RP2: variants seen among roughly 807,000 people sequenced by gnomAD.
The protein encoded by RP2 is protein XRP2.
Under a neutral mutation model 20.3 loss-of-function variants are expected in RP2, and 3 were observed. That is an observed-to-expected ratio of 0.15 (90% CI 0.07 to 0.38). The LOEUF is 0.38. Ranked by LOEUF, RP2 falls within the 10% of genes least tolerant of loss-of-function variation. The pLI is 1.00. For synonymous variants in RP2, 75 were observed against 94.8 expected (o/e 0.79, Z 1.22); for missense variants, 233 against 268.5 (o/e 0.87, Z 0.92).
intron 1 of RP2, among the ~76,000 whole-genome samples, chrX:46,845,692 C>T (rs1157964193): frequency 3.6e-5 from 4 of 111,714 alleles, no homozygotes; most frequent in African/African-American, 6.5e-5. Flanking sequence ...TCATACAATA[C>T]GTAACCTTTT....
At chrX:46,847,792 G>GTATATA (rs1569531406) in intron 1 of RP2, among the ~76,000 whole-genome samples, 59 of 94,720 alleles carry the variant, frequency 6.2e-4, no homozygotes, top group African/African-American at 2.3e-3. Flanking sequence ...ACACACATGT[G>GTATATA]TGTGTGTATA....
intron 1 of RP2, among the ~76,000 whole-genome samples, chrX:46,846,092 GTATTCCGTTGTATGGA>G (rs1200201206): frequency 9.0e-6 from 1 of 111,429 alleles, no homozygotes; most frequent in East Asian, 2.8e-4. Context: ...TTGCTGAGTG[GTATTCCGTTGTATGGA>G]TATATCACAG....
rs1556328627 is a variant in RP2, at chrX:46,880,938, G to C, written c.*1169G>C. ...CAGGAGGTGTCAATAGGTTGAACTTGTGAGAAGGCACTGAATCTGCCATCC... is the reference window on the plus strand; with the variant it reads ...CAGGAGGTGTCAATAGGTTGAACTTCTGAGAAGGCACTGAATCTGCCATCC... On this transcript the variant is annotated 3_prime_UTR_variant, in exon 5 of 5. Coordinates refer to ENST00000218340, the MANE Select transcript of RP2 (RefSeq NM_006915.3). The C allele has an allele frequency of 9.0e-6, 1 of 111,612 alleles. No individual in the cohort carries two copies. The highest frequency in any genetic ancestry group is 1.9e-5 in the Non-Finnish European group (1 of 53,161). 9.2% of individuals were successfully genotyped at this position (111,612 alleles called of 1,213,427 possible).
intron 3 of RP2, among the ~76,000 whole-genome samples, chrX:46,862,430 G>A (rs1925084659): frequency 1.8e-5 from 2 of 109,335 alleles, no homozygotes; most frequent in South Asian, 7.9e-4. Flanking sequence ...GGAGGCCAAG[G>A]CGGGCAGATC....
At chrX:46,848,749 C>T (rs1924805023) in intron 1 of RP2, among the ~76,000 whole-genome samples, 1 of 109,603 alleles carries the variant, frequency 9.1e-6, no homozygotes, top group Non-Finnish European at 1.9e-5. Context: ...ATAGTCTAGG[C>T]CAGACACGGT....
At chrX:46,847,732 ATATACACACATATGTGTGTG>A in intron 1 of RP2, among the ~76,000 whole-genome samples, 1 of 95,392 alleles carries the variant, frequency 1.0e-5, no homozygotes, top group African/African-American at 3.9e-5. Context: ...GTGTGTGTGT[ATATACACACATATGTGTGTG>A]TGTATATACA....
At position 46,859,569 on chromosome X, in the gene RP2, T is replaced by C. The variant is rs141276818; in HGVS notation, c.769-419T>C. Among the ~76,000 whole-genome samples, 53 of 111,557 alleles carry C rather than the reference T, an allele frequency of 4.8e-4. 1 individual carries two copies. In the East Asian group the frequency reaches 0.014, roughly 29 times the overall value. ...ACATAAGCTTTTCCTCATTTTATTA[T>C]AACATCTTTGTTGTATTTAATGAAC... On this transcript the variant is annotated intron_variant, in intron 2 of 4. Coordinates refer to ENST00000218340, the MANE Select transcript of RP2 (RefSeq NM_006915.3).
chrX:46,859,889 C>T, intron 2 of RP2, 99 bp from the exon 3 acceptor site: 1 of 584,189 alleles, frequency 1.7e-6, no homozygotes, highest in Non-Finnish European at 2.9e-6. Flanking sequence ...AATCAGTGTG[C>T]TGTTGTTGCA....
At chrX:46,871,787 G>T (rs1360906576) in intron 3 of RP2, among the ~76,000 whole-genome samples, 1 of 112,057 alleles carries the variant, frequency 8.9e-6, no homozygotes, top group Non-Finnish European at 1.9e-5. Context: ...AATGAGAGAG[G>T]AGTGTTGAAG....
At chrX:46,840,276 A>G (rs1924594924) in intron 1 of RP2, among the ~76,000 whole-genome samples, 1 of 112,387 alleles carries the variant, frequency 8.9e-6, no homozygotes, top group Non-Finnish European at 1.9e-5. Flanking sequence ...CACCGCTCCC[A>G]GCCCAGAGTA....
At chrX:46,867,201 A>G (rs1222054974) in intron 3 of RP2, among the ~76,000 whole-genome samples, 1 of 111,426 alleles carries the variant, frequency 9.0e-6, no homozygotes, top group African/African-American at 3.3e-5. Context: ...CCTGGGTTCA[A>G]GCGATTCTCC....
In RP2 at chrX:46,879,789, A is replaced by G. The variant is rs377466523; in HGVS notation, c.*20A>G. 9.7e-7 allele frequency: 1 copy of G among 1,032,939 alleles called. No homozygotes were observed. Among genetic ancestry groups the G allele is most frequent in the African/African-American group, 1.9e-5 (1 of 53,693 alleles). 85.1% of individuals were successfully genotyped at this position (1,032,939 alleles called of 1,213,427 possible). The stretch of plus-strand genomic sequence containing the variant: ...ATATGAAGTGCAATGTGGAACCAGG[A>G]CTTGGTATTAAGCCTTTCCCAACTT... On this transcript the variant is annotated 3_prime_UTR_variant, in exon 5 of 5. Coordinates refer to ENST00000218340, the MANE Select transcript of RP2 (RefSeq NM_006915.3).
chrX:46,847,781 T>TACACACGTGTGTGTGTATATAC (rs1924768958), intron 1 of RP2, among the ~76,000 whole-genome samples: 3 of 71,299 alleles, frequency 4.2e-5, no homozygotes, highest in African/African-American at 1.9e-4. Context: ...TGTGTGTACA[T>TACACACGTGTGTGTGTATATAC]ACACACATGT....
chrX:46,847,722 G>GTGTGTGTATATACACACATATA (rs1569531349), intron 1 of RP2, among the ~76,000 whole-genome samples: 1 of 73,530 alleles, frequency 1.4e-5, no homozygotes, highest in Non-Finnish European at 2.8e-5. Flanking sequence ...ACACATATAT[G>GTGTGTGTATATACACACATATA]TGTGTGTGTA....
chrX:46,851,191 C>T (rs1924853276), intron 1 of RP2, among the ~76,000 whole-genome samples: 1 of 111,643 alleles, frequency 9.0e-6, no homozygotes, highest in African/African-American at 3.3e-5. Context: ...AATGGTTTTG[C>T]ATGAAGTTTA....
intron 3 of RP2, among the ~76,000 whole-genome samples, chrX:46,861,229 C>G (rs188325038): frequency 1.8e-5 from 2 of 112,063 alleles, no homozygotes; most frequent in African/African-American, 6.5e-5. Flanking sequence ...ATCGGTAGAG[C>G]TAAATTAATG....
In RP2 at chrX:46,879,910, T is replaced by A. The variant is rs1475574241; in HGVS notation, c.*141T>A. On this transcript the variant is annotated 3_prime_UTR_variant, in exon 5 of 5. Transcript: ENST00000218340. The stretch of plus-strand genomic sequence containing the variant: ...GTTTATTTTTTAATAAATTGTTGAG[T>A]ATTACATCATTTACTTGAGGTTCAA... 1.1e-5 allele frequency: 4 copies of A among 368,363 alleles called. No individual in the cohort carries two copies. Among genetic ancestry groups the A allele is most frequent in the Non-Finnish European group, 1.9e-5 (4 of 210,023 alleles). 30.4% of individuals were successfully genotyped at this position (368,363 alleles called of 1,213,427 possible).
intron 1 of RP2, among the ~76,000 whole-genome samples, chrX:46,847,724 G>GTGTGTGTATATACACACATA (rs1569531359): frequency 2.1e-5 from 2 of 96,631 alleles, no homozygotes; most frequent in South Asian, 4.7e-4. Flanking sequence ...ACATATATGT[G>GTGTGTGTATATACACACATA]TGTGTGTATA....
rs143488962 is a variant in RP2, at chrX:46,863,046, A to T, written c.883+2944A>T. On this transcript the variant is annotated intron_variant, in intron 3 of 4. Transcript: ENST00000218340. ...AATGGAAAACAAAAAATATGGGGGA[A>T]TTATTCTGGATTAAGAGACTAAAGA... 8.8e-3 allele frequency among the ~76,000 whole-genome samples: 988 copies of T among 112,380 alleles called. 15 individuals are homozygous for T. The highest frequency in any genetic ancestry group is 0.03 in the African/African-American group (929 of 30,943).
Sources: allele counts gnomAD v4.1 joint callset (sites outside exome capture counted in the v4.1 genomes callset), GRCh38; gene constraint gnomAD v4.1.1; transcripts MANE v1.5; gene names NCBI Gene and HGNC (gene_info 2026-07-23, HGNC 2026-07-21).